Variants in DLG2 observed in about 807,000 individuals in gnomAD.
The protein encoded by DLG2 is disks large homolog 2.
In DLG2, 45 loss-of-function variants were observed where a neutral mutation model predicts 132.5. That is an observed-to-expected ratio of 0.34 (90% CI 0.27 to 0.44). The LOEUF is 0.44. Among genes scored for constraint, DLG2 ranks in the 20% least tolerant of loss-of-function variants. The pLI is 1.00. For missense variants in DLG2, 1,045 were observed against 1,196.9 expected (o/e 0.87, Z 1.87); for synonymous variants, 424 against 419.6 (o/e 1.01, Z -0.13).
intron 18 of DLG2, chr11:83,682,106 G>A (rs1375450289): frequency 1.1e-5 from 11 of 984,432 alleles, no homozygotes; most frequent in African/African-American, 1.7e-5. Context: ...CTATGGGTAC[G>A]TTTGCCAAGC....
chr11:83,951,205 T>C (rs960997018), intron 14 of DLG2, among the ~76,000 whole-genome samples: 1 of 152,154 alleles, frequency 6.6e-6, no homozygotes, highest in Non-Finnish European at 1.5e-5. Context: ...ATCAATCTGA[T>C]AGCAATATCA....
intron 3 of DLG2, among the ~76,000 whole-genome samples, chr11:85,418,086 T>C (rs2090011311): frequency 6.6e-6 from 1 of 152,198 alleles, no homozygotes; most frequent in Admixed American, 6.5e-5. Flanking sequence ...GTGCTATAAA[T>C]TTCCCCCTAA....
chr11:85,489,280 A>G (rs1362462253), intron 3 of DLG2, among the ~76,000 whole-genome samples: 2 of 152,226 alleles, frequency 1.3e-5, no homozygotes, highest in Non-Finnish European at 2.9e-5. Flanking sequence ...CTACACTTAC[A>G]TCAGATAAAA....
At chr11:84,753,155 G>A (rs998060669) in intron 6 of DLG2, among the ~76,000 whole-genome samples, 2 of 152,170 alleles carry the variant, frequency 1.3e-5, no homozygotes, top group Admixed American at 1.3e-4. Flanking sequence ...GCTTATTCAA[G>A]AGACAGCAAA....
chr11:84,873,214 G>A (rs565738550), intron 6 of DLG2, among the ~76,000 whole-genome samples: 1 of 152,250 alleles, frequency 6.6e-6, no homozygotes, highest in African/African-American at 2.4e-5. Context: ...GTAGGAGAGA[G>A]TCAGAGTTAG....
At chr11:84,943,332 T>TCCTTCCTG (rs1566466672) in intron 6 of DLG2, among the ~76,000 whole-genome samples, 1 of 152,068 alleles carries the variant, frequency 6.6e-6, no homozygotes, top group African/African-American at 2.4e-5. Context: ...AGTCATCCTT[T>TCCTTCCTG]CCTTCCTGCC....
intron 9 of DLG2, among the ~76,000 whole-genome samples, chr11:84,136,920 AC>A (rs901062003): frequency 6.6e-6 from 1 of 152,120 alleles, no homozygotes; most frequent in African/African-American, 2.4e-5. Flanking sequence ...TGGAATTTCT[AC>A]CAGGGATTCT....
chr11:84,430,800 G>A (rs1486789268), intron 7 of DLG2, among the ~76,000 whole-genome samples: 2 of 152,176 alleles, frequency 1.3e-5, no homozygotes, highest in African/African-American at 4.8e-5. Context: ...CACCTTCCAG[G>A]TGACAGAGGA....
At chr11:85,060,440 T>C (rs921521180) in intron 6 of DLG2, among the ~76,000 whole-genome samples, 2 of 150,774 alleles carry the variant, frequency 1.3e-5, no homozygotes, top group Non-Finnish European at 3.0e-5. Flanking sequence ...TGTATATATA[T>C]ACACGCATAT....
intron 6 of DLG2, among the ~76,000 whole-genome samples, chr11:84,692,616 A>G (rs568260625): frequency 7.2e-5 from 11 of 151,866 alleles, no homozygotes; most frequent in African/African-American, 2.4e-4. Context: ...ATAATTAAGC[A>G]TATAAATGAA....
intron 6 of DLG2, among the ~76,000 whole-genome samples, chr11:85,008,802 A>G (rs1487088071): frequency 1.3e-5 from 2 of 152,136 alleles, no homozygotes; most frequent in African/African-American, 4.8e-5. Flanking sequence ...AAAAAAACCC[A>G]GCAGATAAAC....
chr11:83,653,086 C>T (rs191359918), intron 18 of DLG2, among the ~76,000 whole-genome samples: 12 of 152,240 alleles, frequency 7.9e-5, no homozygotes, highest in East Asian at 1.9e-4. Flanking sequence ...CAATGCTGTA[C>T]GCAACTTCAT....
intron 3 of DLG2, among the ~76,000 whole-genome samples, chr11:85,394,760 C>T (rs2087135623): frequency 6.6e-6 from 1 of 152,180 alleles, no homozygotes; most frequent in Non-Finnish European, 1.5e-5. Context: ...GTGACTCCAT[C>T]TCAGATGCTA....
intron 19 of DLG2, among the ~76,000 whole-genome samples, chr11:83,621,286 T>C (rs965391373): frequency 1.3e-5 from 2 of 152,102 alleles, no homozygotes; most frequent in Non-Finnish European, 2.9e-5. Flanking sequence ...TTAATTGTAA[T>C]GTTGCCAGTC....
intron 12 of DLG2, among the ~76,000 whole-genome samples, chr11:83,975,425 C>T (rs1309290076): frequency 6.6e-6 from 1 of 151,854 alleles, no homozygotes. Context: ...TATTATTTTG[C>T]TAAAAAGAAC....
chr11:83,593,951 G>T (rs547011675), intron 19 of DLG2, among the ~76,000 whole-genome samples: 1 of 152,124 alleles, frequency 6.6e-6, no homozygotes, highest in African/African-American at 2.4e-5. Flanking sequence ...TTAAAAAATG[G>T]CTATATATAT....
intron 3 of DLG2, among the ~76,000 whole-genome samples, chr11:85,598,019 A>T (rs1051531126): frequency 2.6e-5 from 4 of 151,296 alleles, no homozygotes; most frequent in African/African-American, 9.7e-5. Flanking sequence ...AAAAAAAAAT[A>T]TATAAATAAA....
At chr11:85,383,112 T>C (rs2086031872) in intron 3 of DLG2, among the ~76,000 whole-genome samples, 1 of 152,080 alleles carries the variant, frequency 6.6e-6, no homozygotes, top group African/African-American at 2.4e-5. Flanking sequence ...ATAAATAATA[T>C]ATAGTCTATC....
intron 11 of DLG2, among the ~76,000 whole-genome samples, chr11:84,009,413 T>C (rs1264385125): frequency 6.6e-6 from 1 of 152,104 alleles, no homozygotes; most frequent in African/African-American, 2.4e-5. Context: ...GCTCACATAC[T>C]AAAATGAGCA....
Sources: gnomAD v4.1 joint callset for allele counts (sites outside exome capture counted in the v4.1 genomes callset) on GRCh38, gnomAD v4.1.1 for gene constraint, MANE v1.5 for transcripts, NCBI Gene and HGNC (gene_info 2026-07-23, HGNC 2026-07-21) for gene names.